The following FUT8 variants were observed in gnomAD, a reference collection of about 807,000 sequenced individuals.
The protein encoded by FUT8 is fucosyltransferase 8, also known as alpha-(1,6)-fucosyltransferase.
FUT8 carries 29 observed loss-of-function variants against 71.3 expected under a neutral mutation model. The ratio of observed to expected loss-of-function variants is 0.41; its 90% confidence interval spans 0.30 to 0.55. FUT8 has a LOEUF of 0.55. FUT8 is among the 20% of genes least tolerant of loss of function. The pLI is 0.34. For missense variants in FUT8, 544 were observed against 702.1 expected (o/e 0.77, Z 2.55); for synonymous variants, 254 against 239.3 (o/e 1.06, Z -0.57).
At chr14:65,465,011 G>C (rs574542138) in intron 2 of FUT8, among the ~76,000 whole-genome samples, 56 of 152,236 alleles carry the variant, frequency 3.7e-4, no homozygotes, top group African/African-American at 1.1e-3. Context: ...ATTGATTTAG[G>C]CTTATTCAGA....
intron 3 of FUT8, among the ~76,000 whole-genome samples, chr14:65,572,912 T>C (rs1886560770): frequency 2.0e-5 from 3 of 152,182 alleles, no homozygotes; most frequent in Admixed American, 2.0e-4. Flanking sequence ...AGTAAAGATA[T>C]AGCTGATGTG....
At chr14:65,567,537 C>G (rs1335610719) in intron 3 of FUT8, among the ~76,000 whole-genome samples, 1 of 151,906 alleles carries the variant, frequency 6.6e-6, no homozygotes. Flanking sequence ...CTCCTAGTCT[C>G]TCATATAAGA....
intron 1 of FUT8, among the ~76,000 whole-genome samples, chr14:65,435,794 CT>C (rs58021056): frequency 0.22 from 28,348 of 128,704 alleles, 3,602 homozygotes; most frequent in East Asian, 0.59. Context: ...CTTTTTCTTT[CT>C]TTTTTTTTTT....
chr14:65,617,205 T>C (rs1366328346), intron 5 of FUT8: 1 of 1,521,296 alleles, frequency 6.6e-7, no homozygotes, highest in Non-Finnish European at 8.7e-7. Context: ...AGAGATTTCA[T>C]ATTTATTAAC....
chr14:65,401,025 A>T, the FUT8 span, among the ~76,000 whole-genome samples: 5 of 152,204 alleles, frequency 3.3e-5, no homozygotes, highest in African/African-American at 1.2e-4. Flanking sequence ...ACCTTTTACC[A>T]GACCAATGTA....
At chr14:65,541,278 A>G (rs951164865) in intron 2 of FUT8, among the ~76,000 whole-genome samples, 1 of 152,224 alleles carries the variant, frequency 6.6e-6, no homozygotes, top group Admixed American at 6.5e-5. Flanking sequence ...GGGTATAAAT[A>G]AATAGATACA....
chr14:65,365,173 A>G, the FUT8 span, among the ~76,000 whole-genome samples: 1 of 152,086 alleles, frequency 6.6e-6, no homozygotes, highest in African/African-American at 2.4e-5. Flanking sequence ...TTTCTTTTAG[A>G]TATATTAGGC....
chr14:65,484,796 G>T (rs1011296507), intron 2 of FUT8, among the ~76,000 whole-genome samples: 1 of 152,110 alleles, frequency 6.6e-6, no homozygotes, highest in Non-Finnish European at 1.5e-5. Context: ...TCTTGATGTT[G>T]CCCCACAGTT....
intron 7 of FUT8, among the ~76,000 whole-genome samples, chr14:65,705,406 C>G (rs933653139): frequency 2.6e-5 from 4 of 152,178 alleles, no homozygotes; most frequent in Non-Finnish European, 4.4e-5. Context: ...TTACACATTT[C>G]TGTGTTCATT....
At chr14:65,695,857 T>C (rs1893965477) in intron 7 of FUT8, among the ~76,000 whole-genome samples, 1 of 152,158 alleles carries the variant, frequency 6.6e-6, no homozygotes, top group Admixed American at 6.5e-5. Context: ...TTTTAATGGG[T>C]CATTTTATAA....
At chr14:65,663,619 A>G (rs1407573799) in intron 6 of FUT8, among the ~76,000 whole-genome samples, 2 of 152,116 alleles carry the variant, frequency 1.3e-5, no homozygotes, top group South Asian at 2.1e-4. Context: ...CAAGTCTTCC[A>G]TTGATTACCT....
chr14:65,469,238 G>C (rs1000660272), intron 2 of FUT8, among the ~76,000 whole-genome samples: 2 of 152,146 alleles, frequency 1.3e-5, no homozygotes, highest in African/African-American at 4.8e-5. Flanking sequence ...AAAAATTTCT[G>C]CCACATCCGA....
At chr14:65,693,751 A>G (rs191563842) in intron 7 of FUT8, among the ~76,000 whole-genome samples, 1 of 152,332 alleles carries the variant, frequency 6.6e-6, no homozygotes, top group East Asian at 1.9e-4. Flanking sequence ...TCTGGAAGAA[A>G]TTATACAGAA....
chr14:65,510,870 T>A lies in FUT8; in HGVS notation c.-227-50467T>A, dbSNP rs551540992. Among the ~76,000 whole-genome samples, 7 of 152,242 alleles carry A rather than the reference T, an allele frequency of 4.6e-5. No individual in the cohort carries two copies. The East Asian group carries it at 1.2e-3, about 25-fold the overall frequency. On this transcript the variant is annotated intron_variant, in intron 2 of 10. Coordinates refer to ENST00000673929, the MANE Select transcript of FUT8 (RefSeq NM_001371533.1). ...CTTTTCCAGCAACCAACTTTTTGAT[T>A]CATCTTTTGTATTTTCTTTATTTCA...
intron 2 of FUT8, chr14:65,468,324 C>T: frequency 1.7e-6 from 1 of 599,278 alleles, no homozygotes; most frequent in South Asian, 1.4e-5. Context: ...TGCCTCTCTT[C>T]TTTCCCTTTG....
chr14:65,518,473 G>A (rs958528310), intron 2 of FUT8, among the ~76,000 whole-genome samples: 3 of 152,036 alleles, frequency 2.0e-5, no homozygotes, highest in African/African-American at 7.2e-5. Flanking sequence ...TATTCTGTAA[G>A]CCTCTGTAAG....
chr14:65,599,655 TC>T (rs1176175163), intron 3 of FUT8, among the ~76,000 whole-genome samples: 1 of 152,146 alleles, frequency 6.6e-6, no homozygotes, highest in African/African-American at 2.4e-5. Context: ...GGTTTACAAG[TC>T]CGTTTTCAAC....
Position 65,733,258 on chromosome 14 carries a change from T to A in FUT8, c.1287T>A (p.Asp429Glu). ...TKYPNYEFISDNSISWSAGLH... is the reference protein window; with the variant it reads ...TKYPNYEFISENSISWSAGLH... ...ACCCCAATTATGAATTTATTAGTGA[T>A]AACTCTATTTCCTGGTCAGCTGGAC... Residue 429 changes from aspartate to glutamate, a missense_variant, in exon 10 of 11, where the codon GAT becomes GAA. Transcript: ENST00000673929. The A allele has an allele frequency of 6.2e-7, 1 of 1,601,444 alleles. No homozygotes were observed. Among genetic ancestry groups the A allele is most frequent in the Non-Finnish European group, 8.5e-7 (1 of 1,171,644 alleles).
intron 2 of FUT8, among the ~76,000 whole-genome samples, chr14:65,551,741 A>G (rs1885296719): frequency 6.6e-6 from 1 of 152,344 alleles, no homozygotes; most frequent in Admixed American, 6.5e-5. Context: ...TTTAAAAAAG[A>G]AAAAGACAAC....
Sources: gnomAD v4.1 joint callset for allele counts (sites outside exome capture counted in the v4.1 genomes callset) on GRCh38, gnomAD v4.1.1 for gene constraint, MANE v1.5 for transcripts, NCBI Gene and HGNC (gene_info 2026-07-23, HGNC 2026-07-21) for gene names.